SELENOF: variants seen among roughly 807,000 people sequenced by gnomAD.
The protein encoded by SELENOF is 15 kDa selenoprotein.
A neutral mutation model predicts 20.5 loss-of-function variants in SELENOF; 16 were observed. The observed-to-expected ratio is 0.78, with a 90% CI of 0.53 to 1.19. The LOEUF (loss-of-function observed/expected upper bound fraction) is 1.19. SELENOF is among the 50% of genes most tolerant of loss of function. SELENOF has a pLI of 0.00. For missense variants in SELENOF, 215 were observed against 194.2 expected, an observed-to-expected ratio of 1.11 and a Z score of -0.64; for synonymous variants, 78 against 74.5, an observed-to-expected ratio of 1.05 and a Z score of -0.24.
intron 2 of SELENOF, among the ~76,000 whole-genome samples, chr1:86,895,296 T>C (rs187007394): frequency 6.6e-6 from 1 of 152,346 alleles, no homozygotes; most frequent in Admixed American, 6.5e-5. Context: ...ATAGCAATTA[T>C]TATCATGCTA....
intron 4 of SELENOF, among the ~76,000 whole-genome samples, chr1:86,866,471 GAA>G (rs1658599164): frequency 6.6e-6 from 1 of 152,016 alleles, no homozygotes; most frequent in Admixed American, 6.6e-5. Flanking sequence ...GGTGGGCACA[GAA>G]AGATAAAATT....
At chr1:86,885,762 G>T (rs565839355) in intron 2 of SELENOF, among the ~76,000 whole-genome samples, 2 of 152,278 alleles carry the variant, frequency 1.3e-5, no homozygotes, top group East Asian at 3.9e-4. Context: ...GTTGTATGTG[G>T]TCCAGTTCTG....
At chr1:86,869,097 A>G (rs1658687142) in intron 3 of SELENOF, among the ~76,000 whole-genome samples, 1 of 152,200 alleles carries the variant, frequency 6.6e-6, no homozygotes, top group Admixed American at 6.5e-5. Flanking sequence ...TAAAGGTTAG[A>G]GAGGGAACAG....
chr1:86,911,006 T>C (rs761126338), intron 1 of SELENOF, among the ~76,000 whole-genome samples: 2 of 152,254 alleles, frequency 1.3e-5, no homozygotes, highest in Non-Finnish European at 2.9e-5. Context: ...ACATCAAGTA[T>C]AGTACTACTC....
chr1:86,887,862 G>A (rs1474187337), intron 2 of SELENOF, among the ~76,000 whole-genome samples: 1 of 152,040 alleles, frequency 6.6e-6, no homozygotes, highest in African/African-American at 2.4e-5. Flanking sequence ...ATTCAGTTCT[G>A]CCAATACTTA....
intron 2 of SELENOF, among the ~76,000 whole-genome samples, chr1:86,887,765 G>GA (rs947855504): frequency 8.6e-5 from 13 of 151,728 alleles, no homozygotes; most frequent in African/African-American, 3.1e-4. Flanking sequence ...CTCTCATTAG[G>GA]AAAAAAAATA....
chr1:86,897,458 G>A lies in SELENOF; in HGVS notation c.252+5823C>T, dbSNP rs1659554096. On this transcript the variant is annotated intron_variant, in intron 2 of 4. Coordinates refer to ENST00000331835, the MANE Select transcript of SELENOF (RefSeq NM_004261.5). Reference sequence around the variant, plus strand: ...GATACTGGTGGTGTGTAAGGTTGGGGAGAAGTCTAAGAAGATGGGAAGCTG... The same window carrying A: ...GATACTGGTGGTGTGTAAGGTTGGGAAGAAGTCTAAGAAGATGGGAAGCTG... 2.0e-5 allele frequency among the ~76,000 whole-genome samples: 3 copies of A among 152,330 alleles called. 1 individual carries two copies. The highest frequency in any genetic ancestry group is 6.8e-3 in the Middle Eastern group (2 of 294).
At chr1:86,898,003 AATAT>A (rs1402086722) in intron 2 of SELENOF, among the ~76,000 whole-genome samples, 1 of 152,246 alleles carries the variant, frequency 6.6e-6, no homozygotes, top group Non-Finnish European at 1.5e-5. Context: ...CTAAAGATTC[AATAT>A]ATAAAGCTGA....
rs569001663 is a variant in SELENOF, at chr1:86,907,820, C to T, written c.85-4372G>A. On this transcript the variant is annotated intron_variant, in intron 1 of 4. Coordinates refer to ENST00000331835, the MANE Select transcript of SELENOF (RefSeq NM_004261.5). ...CCAACATGGTGAAACCCCGTCTCTA[C>T]TAATAATACAAAAAAAATTAGCTGG... is the stretch of plus-strand genomic sequence containing the variant. Among the ~76,000 whole-genome samples, 329 of 152,110 alleles carry T rather than the reference C, an allele frequency of 2.2e-3. 2 individuals carry two copies. Among genetic ancestry groups the T allele is most frequent in the African/African-American group, 7.5e-3 (309 of 41,458 alleles).
intron 2 of SELENOF, among the ~76,000 whole-genome samples, chr1:86,891,237 T>C (rs537159903): frequency 5.3e-5 from 8 of 151,746 alleles, no homozygotes; most frequent in Admixed American, 1.3e-4. Flanking sequence ...TTAGTAGAGA[T>C]GGGGTTTCTC....
chr1:86,909,802 G>A lies in SELENOF; in HGVS notation c.84+4226C>T, dbSNP rs531691360. ...GGGTGGATCACAGGGTCAGGAGTTCGAGACCAGCCTGGCCAACATGGTGAA... is the reference window on the plus strand; with the variant it reads ...GGGTGGATCACAGGGTCAGGAGTTCAAGACCAGCCTGGCCAACATGGTGAA... On this transcript the variant is annotated intron_variant, in intron 1 of 4. Coordinates refer to ENST00000331835, the MANE Select transcript of SELENOF (RefSeq NM_004261.5). Among the ~76,000 whole-genome samples the A allele has an allele frequency of 2.6e-4, 39 of 152,058 alleles. 1 individual carries two copies. The highest frequency in any genetic ancestry group is 7.7e-4 in the African/African-American group (32 of 41,480).
intron 1 of SELENOF, among the ~76,000 whole-genome samples, chr1:86,908,906 C>T (rs1659901114): frequency 6.6e-6 from 1 of 152,206 alleles, no homozygotes; most frequent in South Asian, 2.1e-4. Context: ...CAGATTAAAT[C>T]ACTTTATATC....
chr1:86,900,975 C>G (rs952748556), intron 2 of SELENOF, among the ~76,000 whole-genome samples: 4 of 152,168 alleles, frequency 2.6e-5, no homozygotes, highest in Non-Finnish European at 4.4e-5. Flanking sequence ...TCACTGCAAC[C>G]TCTGCCTCCC....
At chr1:86,910,702 C>CAAA (rs36124875) in intron 1 of SELENOF, among the ~76,000 whole-genome samples, 1,259 of 82,772 alleles carry the variant, frequency 0.015, 11 homozygotes, top group African/African-American at 0.016. Context: ...GACTCCATAT[C>CAAA]AAAAAAAAAA....
At chr1:86,899,740 C>T (rs537012994) in intron 2 of SELENOF, among the ~76,000 whole-genome samples, 7 of 151,798 alleles carry the variant, frequency 4.6e-5, no homozygotes, top group African/African-American at 1.7e-4. Context: ...AGACGCTCCT[C>T]ACTTCCCAGA....
At position 86,870,497 on chromosome 1, in the gene SELENOF, T is replaced by C. The variant is rs1402989826; in HGVS notation, c.317-2395A>G. ...GTGCAAAATACTATGTAACACGCAG[T>C]AACTGTGTCTACATGCCTTCTCTAC... is the stretch of plus-strand genomic sequence containing the variant. On this transcript the variant is annotated intron_variant, in intron 3 of 4. Coordinates refer to ENST00000331835, the MANE Select transcript of SELENOF (RefSeq NM_004261.5). Among the ~76,000 whole-genome samples, 17 of 152,254 alleles carry C rather than the reference T, an allele frequency of 1.1e-4. 1 individual carries two copies. Among genetic ancestry groups the C allele is most frequent in the Admixed American group, 1.1e-3 (17 of 15,294 alleles).
chr1:86,877,904 C>A (rs1658966030), intron 3 of SELENOF, among the ~76,000 whole-genome samples: 1 of 152,030 alleles, frequency 6.6e-6, no homozygotes, highest in African/African-American at 2.4e-5. Context: ...ACTATCTAGT[C>A]CTTTATAGAA....
chr1:86,903,484 A>G lies in SELENOF; in HGVS notation c.85-36T>C, dbSNP rs1264150392. The G allele has an allele frequency of 4.6e-6, 7 of 1,525,520 alleles. No individual in the cohort carries two copies. In the East Asian group the frequency reaches 7.2e-5, roughly 16 times the overall value. The allele number at this position is 1,525,520 out of a possible 1,614,324, so 94.5% of individuals were successfully genotyped here. A position where few individuals can be genotyped will look rare whatever the true frequency, so the allele number is the denominator to read the frequency against. ...AAAATGGGAAATAAAACACAATTCCATATTTATACTACAAAGCTTTCCAAA... is the reference window on the plus strand; with the variant it reads ...AAAATGGGAAATAAAACACAATTCCGTATTTATACTACAAAGCTTTCCAAA... On this transcript the variant is annotated intron_variant, in intron 1 of 4. Transcript: ENST00000331835.
At chr1:86,893,274 A>G (rs1165266616) in intron 2 of SELENOF, among the ~76,000 whole-genome samples, 1 of 152,146 alleles carries the variant, frequency 6.6e-6, no homozygotes, top group East Asian at 1.9e-4. Context: ...GTAATGTGCT[A>G]GCTCAATCAC....
Sources: allele counts gnomAD v4.1 joint callset (sites outside exome capture counted in the v4.1 genomes callset), GRCh38; gene constraint gnomAD v4.1.1; transcripts MANE v1.5; gene names NCBI Gene and HGNC (gene_info 2026-07-23, HGNC 2026-07-21).